Variants in EGFR observed in about 807,000 individuals in gnomAD.
EGFR encodes avian erythroblastic leukemia viral (v-erb-b) oncogene homolog.
EGFR carries 58 observed loss-of-function variants against 143.0 expected under a neutral mutation model. The ratio of observed to expected loss-of-function variants is 0.41; its 90% CI spans 0.33 to 0.50. The LOEUF (loss-of-function observed/expected upper bound fraction) is 0.50, where lower values mean the gene tolerates loss of function less well. Among genes scored for constraint, EGFR ranks in the 20% least tolerant of loss-of-function variants. The pLI, the probability that EGFR is intolerant of heterozygous loss-of-function variation, is 0.39. For synonymous variants in EGFR, 613 were observed against 594.4 expected (o/e 1.03, Z -0.45); for missense variants, 1,307 against 1,579.0 (o/e 0.83, Z 2.92).
At chr7:55,055,436 G>C (rs546463703) in intron 1 of EGFR, among the ~76,000 whole-genome samples, 1 of 151,996 alleles carries the variant, frequency 6.6e-6, no homozygotes, top group Non-Finnish European at 1.5e-5. Flanking sequence ...GTCTTCTTTG[G>C]CTTTCTCTAT....
chr7:55,070,640 G>C (rs143267678), intron 1 of EGFR, among the ~76,000 whole-genome samples: 1 of 152,344 alleles, frequency 6.6e-6, no homozygotes, highest in African/African-American at 2.4e-5. Context: ...CGACTGGGAT[G>C]TGCGCAGGCG....
chr7:55,023,982 G>A (rs1180219583), intron 1 of EGFR, among the ~76,000 whole-genome samples: 6 of 152,288 alleles, frequency 3.9e-5, no homozygotes, highest in Admixed American at 2.6e-4. Flanking sequence ...GGCACAAGCT[G>A]GCCAGTTTGA....
chr7:55,060,027 C>T lies in EGFR; in HGVS notation c.88+40662C>T, dbSNP rs148401529. ...CTGGGCCTCTGCTGGCAGCCACCAG[C>T]GGGCACAGAGCTGATGTGTGTTATG... On this transcript the variant is annotated intron_variant, in intron 1 of 27. Coordinates refer to ENST00000275493, the MANE Select transcript of EGFR (RefSeq NM_005228.5). 6.4e-3 allele frequency among the ~76,000 whole-genome samples: 979 copies of T among 152,272 alleles called. 10 individuals are homozygous for T. Among genetic ancestry groups the T allele is most frequent in the African/African-American group, 0.022 (915 of 41,554 alleles).
intron 1 of EGFR, among the ~76,000 whole-genome samples, chr7:55,086,851 C>A (rs990485012): frequency 2.6e-5 from 4 of 152,122 alleles, no homozygotes; most frequent in South Asian, 2.1e-4. Flanking sequence ...ACCTCAAATT[C>A]TCTGTCTTTT....
chr7:55,091,132 T>G (rs1453467737), intron 1 of EGFR, among the ~76,000 whole-genome samples: 1 of 152,184 alleles, frequency 6.6e-6, no homozygotes, highest in Non-Finnish European at 1.5e-5. Context: ...AATTTCTAAT[T>G]TAAAGACCCC....
chr7:55,114,613 TA>T (rs2128909657), intron 1 of EGFR, among the ~76,000 whole-genome samples: 1 of 152,292 alleles, frequency 6.6e-6, no homozygotes, highest in Non-Finnish European at 1.5e-5. Flanking sequence ...AGTACCTTTT[TA>T]AAAATACTAT....
At chr7:55,166,217 A>T (rs1282254859) in intron 15 of EGFR, 5 of 535,204 alleles carry the variant, frequency 9.3e-6, no homozygotes, top group Non-Finnish European at 1.8e-5. Context: ...GATTGTGTGT[A>T]TCTTATTTAC....
intron 1 of EGFR, among the ~76,000 whole-genome samples, chr7:55,066,405 AG>A: frequency 6.6e-6 from 1 of 150,866 alleles, no homozygotes. Flanking sequence ...GTGCAAGCAG[AG>A]GCGACAGGGC....
intron 16 of EGFR, chr7:55,172,756 A>G (rs1281806679): frequency 7.8e-7 from 1 of 1,288,702 alleles, no homozygotes; most frequent in East Asian, 2.5e-5. Flanking sequence ...CAATTTTAAA[A>G]AATGAGGAAA....
intron 1 of EGFR, among the ~76,000 whole-genome samples, chr7:55,058,310 C>T (rs146223240): frequency 5.8e-4 from 89 of 152,170 alleles, no homozygotes; most frequent in African/African-American, 2.0e-3. Context: ...AGGAAAATTG[C>T]TTGAACGCGG....
chr7:55,071,093 G>A (rs1014544783), intron 1 of EGFR, among the ~76,000 whole-genome samples: 3 of 152,202 alleles, frequency 2.0e-5, no homozygotes, highest in Non-Finnish European at 2.9e-5. Context: ...TGGCTCCGGT[G>A]TCTCAGGACC....
intron 1 of EGFR, among the ~76,000 whole-genome samples, chr7:55,093,791 C>T (rs1584021871): frequency 6.6e-6 from 1 of 152,162 alleles, no homozygotes; most frequent in African/African-American, 2.4e-5. Flanking sequence ...AGTCTGTGAT[C>T]CGAGGTCTCA....
At chr7:55,061,647 TGTGAGAGA>T in intron 1 of EGFR, among the ~76,000 whole-genome samples, 1 of 99,696 alleles carries the variant, frequency 1.0e-5, no homozygotes, top group African/African-American at 3.7e-5. Context: ...TGTGTGTGTG[TGTGAGAGA>T]GAGAGAGAGA....
intron 1 of EGFR, among the ~76,000 whole-genome samples, chr7:55,058,283 A>G (rs1788953348): frequency 6.6e-6 from 1 of 152,112 alleles, no homozygotes; most frequent in African/African-American, 2.4e-5. Context: ...AATCCCAGCT[A>G]CTCGGAAGGC....
intron 1 of EGFR, among the ~76,000 whole-genome samples, chr7:55,024,641 C>T (rs1786776323): frequency 1.3e-5 from 2 of 152,142 alleles, no homozygotes. Context: ...ATTGTTTGCC[C>T]TTTGCATAGA....
At chr7:55,189,551 G>C (rs950353743) in intron 20 of EGFR, among the ~76,000 whole-genome samples, 1 of 152,204 alleles carries the variant, frequency 6.6e-6, no homozygotes, top group African/African-American at 2.4e-5. Flanking sequence ...AAACGAAGCT[G>C]GGAATGTGCT....
chr7:55,155,298 C>T (rs568144552), intron 7 of EGFR, among the ~76,000 whole-genome samples: 45 of 152,232 alleles, frequency 3.0e-4, no homozygotes, highest in African/African-American at 9.4e-4. Context: ...AAAAATTAGC[C>T]GGGCGTGGTG....
In EGFR at chr7:55,188,416, C is replaced by G. The variant is rs542991648; in HGVS notation, c.2470-3303C>G. The stretch of plus-strand genomic sequence containing the variant: ...TGGGGTACCCTGCCAGAATAAGCCC[C>G]GACAGCCATGTGGAGCAGAGCCTTC... On this transcript the variant is annotated intron_variant, in intron 20 of 27. Transcript: ENST00000275493. 9.8e-5 allele frequency among the ~76,000 whole-genome samples: 15 copies of G among 152,318 alleles called. No homozygotes were observed. The South Asian group carries it at 1.2e-3, about 13-fold the overall frequency.
chr7:55,098,770 C>A (rs948104204), intron 1 of EGFR, among the ~76,000 whole-genome samples: 1 of 152,204 alleles, frequency 6.6e-6, no homozygotes, highest in African/African-American at 2.4e-5. Context: ...ACACTGCCAG[C>A]CTTTTGTGAT....
Sources: allele counts gnomAD v4.1 joint callset (sites outside exome capture counted in the v4.1 genomes callset), GRCh38; gene constraint gnomAD v4.1.1; transcripts MANE v1.5; gene names NCBI Gene and HGNC (gene_info 2026-07-23, HGNC 2026-07-21).